Variants in PRKD3 observed in about 807,000 individuals in gnomAD.
The protein encoded by PRKD3 is serine/threonine-protein kinase D3.
A neutral mutation model predicts 99.2 loss-of-function variants in PRKD3; 47 were observed. The observed-to-expected ratio is 0.47, with a 90% CI of 0.38 to 0.60. The LOEUF (loss-of-function observed/expected upper bound fraction) is 0.60, where lower values mean the gene tolerates loss of function less well. Among genes scored for constraint, PRKD3 ranks in the 20% least tolerant of loss-of-function variants. PRKD3 has a pLI of 0.00. For synonymous variants in PRKD3, 392 were observed against 355.4 expected (o/e 1.10, Z -1.16); for missense variants, 1,019 against 1,088.4 (o/e 0.94, Z 0.90).
Position 37,324,279 on chromosome 2 carries a change from T to C in PRKD3, c.-656+402A>G. On this transcript the variant is annotated intron_variant, in intron 1 of 18. Coordinates refer to ENST00000234179, the MANE Select transcript of PRKD3 (RefSeq NM_005813.6). ...AATTCGGCACTGCGAGCGCCGCGGG[T>C]CTGGCTTCGGGAACTAGTTTGGGAG... 3 of 969,290 alleles carry C rather than the reference T, an allele frequency of 3.1e-6. 1 individual carries two copies. Among genetic ancestry groups the C allele is most frequent in the Non-Finnish European group, 1.2e-6 (1 of 815,526 alleles). The allele number at this position is 969,290 out of a possible 1,614,324, so 60.0% of individuals were successfully genotyped here.
chr2:37,309,283 C>T (rs1381336564), intron 2 of PRKD3, among the ~76,000 whole-genome samples: 1 of 151,928 alleles, frequency 6.6e-6, no homozygotes, highest in Non-Finnish European at 1.5e-5. Flanking sequence ...TTTTCCTGTA[C>T]CTCTTGTGAC....
intron 5 of PRKD3, among the ~76,000 whole-genome samples, chr2:37,286,850 C>G (rs1250691766): frequency 1.3e-5 from 2 of 152,094 alleles, no homozygotes; most frequent in Non-Finnish European, 2.9e-5. Context: ...CTAATTAAAA[C>G]AAGTTTCAGT....
chr2:37,280,279 A>AGG (rs771892567), intron 7 of PRKD3, among the ~76,000 whole-genome samples: 7 of 152,164 alleles, frequency 4.6e-5, no homozygotes, highest in Admixed American at 6.5e-5. Context: ...TCCTGACCTC[A>AGG]GGGGATCCAC....
intron 2 of PRKD3, among the ~76,000 whole-genome samples, chr2:37,298,408 G>C (rs1021123657): frequency 2.4e-5 from 2 of 82,756 alleles, no homozygotes; most frequent in Non-Finnish European, 5.4e-5. Flanking sequence ...CATTAACAAA[G>C]TTATTTTTTT....
chr2:37,313,302 T>C (rs994904577), intron 2 of PRKD3, among the ~76,000 whole-genome samples: 1 of 149,084 alleles, frequency 6.7e-6, no homozygotes, highest in African/African-American at 2.5e-5. Flanking sequence ...GGCTTATGGA[T>C]ACAGATTGCT....
intron 7 of PRKD3, among the ~76,000 whole-genome samples, chr2:37,281,389 C>T (rs955478598): frequency 6.6e-6 from 1 of 152,194 alleles, no homozygotes; most frequent in African/African-American, 2.4e-5. Context: ...AGGTGTTAAT[C>T]AGTGCTATGG....
chr2:37,311,333 C>T (rs1417846569), intron 2 of PRKD3, among the ~76,000 whole-genome samples: 3 of 152,294 alleles, frequency 2.0e-5, no homozygotes, highest in Admixed American at 2.0e-4. Flanking sequence ...GGACTTACAT[C>T]TACCTTATAT....
At chr2:37,313,645 A>C (rs1328700472) in intron 2 of PRKD3, among the ~76,000 whole-genome samples, 1 of 152,242 alleles carries the variant, frequency 6.6e-6, no homozygotes, top group Non-Finnish European at 1.5e-5. Context: ...ATGTGAAAAG[A>C]TATCACAATG....
chr2:37,258,629 G>A (rs1223002534), intron 16 of PRKD3, among the ~76,000 whole-genome samples: 1 of 152,180 alleles, frequency 6.6e-6, no homozygotes, highest in Non-Finnish European at 1.5e-5. Flanking sequence ...ATAATATATG[G>A]AAGCAGTTTA....
chr2:37,265,669 A>G lies in PRKD3; in HGVS notation c.1884+1761T>C, dbSNP rs571566070. On this transcript the variant is annotated intron_variant, in intron 14 of 18. Coordinates refer to ENST00000234179, the MANE Select transcript of PRKD3 (RefSeq NM_005813.6). ...GACACCACAAGGAAAGCCAAATATA[A>G]AAGTATAAATATCTGACATAAACAA... Among the ~76,000 whole-genome samples, 3 of 152,328 alleles carry G rather than the reference A, an allele frequency of 2.0e-5. No individual in the cohort carries two copies. In the South Asian group the frequency reaches 6.2e-4, roughly 32 times the overall value.
At chr2:37,323,438 C>T (rs1404036401) in intron 1 of PRKD3, among the ~76,000 whole-genome samples, 3 of 151,902 alleles carry the variant, frequency 2.0e-5, no homozygotes, top group Non-Finnish European at 4.4e-5. Context: ...AAAAACCTTC[C>T]ACGGTTTCTG....
At position 37,275,841 on chromosome 2, in the gene PRKD3, TTCTC is replaced by T; in HGVS notation, c.1297-1_1299del. 1 of 1,605,562 alleles carries T rather than the reference TTCTC, an allele frequency of 6.2e-7. No homozygotes were observed. Among genetic ancestry groups the T allele is most frequent in the Non-Finnish European group, 8.5e-7 (1 of 1,176,230 alleles). On this transcript the variant is annotated splice_acceptor_variant and coding_sequence_variant, in exon 10 of 19. Transcript: ENST00000234179. LOFTEE classifies it high-confidence loss of function. ...CTGTCAAGTCTCCAATAATGCCTCT[TTCTC>T]TATAAAATGAAGATTGGAAAACTGT...
chr2:37,286,757 G>C (rs1481358500), intron 5 of PRKD3, among the ~76,000 whole-genome samples: 1 of 152,084 alleles, frequency 6.6e-6, no homozygotes, highest in Non-Finnish European at 1.5e-5. Flanking sequence ...ACACATTTTA[G>C]ATTTTCAAAT....
At chr2:37,279,958 T>A in intron 7 of PRKD3, 29 bp from the exon 8 acceptor site, 1 of 1,486,700 alleles carries the variant, frequency 6.7e-7, no homozygotes, top group Non-Finnish European at 9.2e-7. Flanking sequence ...AATTTCAGAG[T>A]TTTATATTAA....
chr2:37,300,934 C>A (rs1670896806), intron 2 of PRKD3, among the ~76,000 whole-genome samples: 1 of 152,144 alleles, frequency 6.6e-6, no homozygotes, highest in Admixed American at 6.5e-5. Context: ...TGAGTATGTA[C>A]TTGTTTTGCC....
chr2:37,321,848 C>T (rs1288055215), intron 1 of PRKD3, among the ~76,000 whole-genome samples: 1 of 152,104 alleles, frequency 6.6e-6, no homozygotes, highest in Non-Finnish European at 1.5e-5. Context: ...AAGAGACAGA[C>T]AAAAGGATTC....
chr2:37,292,047 C>G (rs764590906), intron 3 of PRKD3, among the ~76,000 whole-genome samples: 1 of 152,104 alleles, frequency 6.6e-6, no homozygotes, highest in Non-Finnish European at 1.5e-5. Context: ...TAGAAAAAAG[C>G]CCAGTGGGAC....
chr2:37,257,907 T>G (rs1259190780), intron 16 of PRKD3, among the ~76,000 whole-genome samples: 1 of 152,098 alleles, frequency 6.6e-6, no homozygotes, highest in Non-Finnish European at 1.5e-5. Context: ...GATGTTTAGA[T>G]TTGAAAACAG....
intron 14 of PRKD3, among the ~76,000 whole-genome samples, chr2:37,265,494 CACACACACACACAA>C (rs931735033): frequency 5.9e-5 from 9 of 151,970 alleles, no homozygotes; most frequent in African/African-American, 2.2e-4. Context: ...ATACTACACA[CACACACACACACAA>C]ACACACACAC....
Sources: gnomAD v4.1 joint callset for allele counts (sites outside exome capture counted in the v4.1 genomes callset) on GRCh38, gnomAD v4.1.1 for gene constraint, MANE v1.5 for transcripts, NCBI Gene and HGNC (gene_info 2026-07-23, HGNC 2026-07-21) for gene names.